Variants in RARB observed in about 807,000 individuals in gnomAD.
The protein encoded by RARB is HBV-activated protein.
In RARB, 17 loss-of-function variants were observed where a neutral mutation model predicts 51.9. The observed-to-expected ratio is 0.33, with a 90% CI of 0.22 to 0.49. RARB has a LOEUF of 0.49. Among genes scored for constraint, RARB ranks in the 20% least tolerant of loss-of-function variants. The pLI is 0.99. For synonymous variants in RARB, 215 were observed against 195.4 expected, an observed-to-expected ratio of 1.10 and a Z score of -0.84; for missense variants, 369 against 550.8, an observed-to-expected ratio of 0.67 and a Z score of 3.30.
chr3:25,353,055 A>T (rs1262233787), intron 5 of RARB, among the ~76,000 whole-genome samples: 2 of 152,224 alleles, frequency 1.3e-5, no homozygotes, highest in Admixed American at 1.3e-4. Context: ...TACGTGAGGC[A>T]CTTAGAATAC....
At chr3:24,995,508 A>C (rs965426533) in intron 2 of RARB, among the ~76,000 whole-genome samples, 1 of 152,040 alleles carries the variant, frequency 6.6e-6, no homozygotes, top group Non-Finnish European at 1.5e-5. Flanking sequence ...TACTGTGTAG[A>C]ATAAAAGTGG....
chr3:25,129,647 TAATA>T (rs1421458517), intron 3 of RARB, among the ~76,000 whole-genome samples: 3 of 152,116 alleles, frequency 2.0e-5, no homozygotes, highest in Admixed American at 6.6e-5. Context: ...GATTGGTATT[TAATA>T]AATATTTGTT....
chr3:25,337,315 A>G (rs1705093348), intron 5 of RARB, among the ~76,000 whole-genome samples: 1 of 152,208 alleles, frequency 6.6e-6, no homozygotes, highest in African/African-American at 2.4e-5. Context: ...TATAAACATG[A>G]TTCTCCAATT....
chr3:25,303,597 A>G (rs1704090415), intron 5 of RARB, among the ~76,000 whole-genome samples: 1 of 152,262 alleles, frequency 6.6e-6, no homozygotes, highest in East Asian at 1.9e-4. Flanking sequence ...CATTTGCCAC[A>G]TGGTTGAATC....
chr3:25,483,527 C>CTT (rs199602182), intron 2 of RARB, among the ~76,000 whole-genome samples: 7 of 113,678 alleles, frequency 6.2e-5, no homozygotes, highest in South Asian at 2.9e-4. Context: ...CATATTTCTT[C>CTT]TTTTTTTTTT....
chr3:25,052,096 T>A (rs1208360847), intron 2 of RARB, among the ~76,000 whole-genome samples: 2 of 152,148 alleles, frequency 1.3e-5, no homozygotes, highest in Non-Finnish European at 2.9e-5. Context: ...TGGGAAAAGG[T>A]CCTCATACCC....
chr3:25,016,846 A>C (rs955840876), intron 2 of RARB, among the ~76,000 whole-genome samples: 2 of 152,014 alleles, frequency 1.3e-5, no homozygotes, highest in African/African-American at 4.8e-5. Flanking sequence ...TACAAGAACA[A>C]ACACCGGTAA....
At chr3:25,460,562 C>G (rs1207996699) in intron 1 of RARB, among the ~76,000 whole-genome samples, 1 of 151,958 alleles carries the variant, frequency 6.6e-6, no homozygotes, top group East Asian at 1.9e-4. Flanking sequence ...ATTCTCCTGC[C>G]TCAGCCTCCT....
chr3:25,064,058 G>A (rs757757246), intron 3 of RARB, among the ~76,000 whole-genome samples: 10 of 152,002 alleles, frequency 6.6e-5, no homozygotes, highest in Non-Finnish European at 1.3e-4. Context: ...GATGGGCAGC[G>A]GTGGGTGGAT....
intron 1 of RARB, among the ~76,000 whole-genome samples, chr3:25,448,885 C>A (rs1376381306): frequency 3.9e-5 from 6 of 152,130 alleles, no homozygotes; most frequent in African/African-American, 1.4e-4. Flanking sequence ...CTCTCACCCC[C>A]CTCCACCCCC....
At chr3:24,950,460 C>T (rs1280922943) in intron 2 of RARB, among the ~76,000 whole-genome samples, 2 of 152,130 alleles carry the variant, frequency 1.3e-5, no homozygotes, top group Non-Finnish European at 2.9e-5. Context: ...CAGTTTTTTA[C>T]ACTTTAATAT....
intron 2 of RARB, among the ~76,000 whole-genome samples, chr3:24,900,232 C>G (rs1243387788): frequency 6.6e-6 from 1 of 152,106 alleles, no homozygotes; most frequent in Non-Finnish European, 1.5e-5. Flanking sequence ...GTAACTCCTT[C>G]CCTGGCTTTA....
chr3:24,870,993 TA>T (rs1457830387), intron 2 of RARB, among the ~76,000 whole-genome samples: 2 of 152,110 alleles, frequency 1.3e-5, no homozygotes, highest in African/African-American at 4.8e-5. Context: ...TATCTAACTA[TA>T]TTTTTGAACC....
intron 5 of RARB, among the ~76,000 whole-genome samples, chr3:25,300,574 C>G (rs1401363050): frequency 6.6e-6 from 1 of 152,092 alleles, no homozygotes; most frequent in Non-Finnish European, 1.5e-5. Flanking sequence ...CAGAAGGAAC[C>G]AAAGCTTTCT....
At chr3:24,898,250 G>C (rs915145531) in intron 2 of RARB, among the ~76,000 whole-genome samples, 3 of 151,476 alleles carry the variant, frequency 2.0e-5, no homozygotes. Context: ...TTTTGAGCAA[G>C]AAAGACCATG....
chr3:25,460,879 C>G (rs189667868), intron 1 of RARB, among the ~76,000 whole-genome samples: 1 of 152,164 alleles, frequency 6.6e-6, no homozygotes, highest in Admixed American at 6.5e-5. Context: ...CTTAGTTAGA[C>G]AAGTCACTTC....
intron 1 of RARB, among the ~76,000 whole-genome samples, chr3:25,436,140 C>T (rs951397723): frequency 1.3e-5 from 2 of 152,166 alleles, no homozygotes; most frequent in African/African-American, 4.8e-5. Context: ...CTCCTGAGCA[C>T]CTTTCTTTCG....
intron 2 of RARB, among the ~76,000 whole-genome samples, chr3:24,889,496 T>G (rs1439225063): frequency 2.6e-5 from 4 of 152,198 alleles, no homozygotes; most frequent in Admixed American, 6.5e-5. Flanking sequence ...TAATTTTATT[T>G]CCAAAGAAAT....
chr3:25,117,672 A>G (rs1699710944), intron 3 of RARB, among the ~76,000 whole-genome samples: 1 of 152,142 alleles, frequency 6.6e-6, no homozygotes, highest in Non-Finnish European at 1.5e-5. Context: ...GGCAGTGAAG[A>G]TATAAGTTGC....
Sources: gnomAD v4.1 joint callset for allele counts (sites outside exome capture counted in the v4.1 genomes callset) on GRCh38, gnomAD v4.1.1 for gene constraint, MANE v1.5 for transcripts, NCBI Gene and HGNC (gene_info 2026-07-23, HGNC 2026-07-21) for gene names.